The following ADCY7 variants were observed in gnomAD, a reference collection of about 807,000 sequenced individuals.
The protein encoded by ADCY7 is adenylate cyclase type 7.
A neutral mutation model predicts 120.6 loss-of-function variants in ADCY7; 72 were observed. The ratio of observed to expected loss-of-function variants is 0.60; its 90% CI spans 0.49 to 0.73. The LOEUF (loss-of-function observed/expected upper bound fraction) is 0.73. Among genes scored for constraint, ADCY7 ranks in the 30% least tolerant of loss-of-function variants. ADCY7 has a pLI of 0.00. For missense variants in ADCY7, 1,227 were observed against 1,486.0 expected (o/e 0.83, Z 2.87); for synonymous variants, 661 against 628.0 (o/e 1.05, Z -0.78).
In ADCY7 at chr16:50,288,109, C is replaced by T. The variant is rs1283387982; in HGVS notation, c.-71C>T. ...CTAGGCCCACGGGGGAGGGTGTTGG[C>T]AGACAGATGCCCTCCAGGCCCTGGG... On this transcript the variant is annotated 5_prime_UTR_variant, in exon 2 of 26. Transcript: ENST00000673801. 6.8e-7 allele frequency: 1 copy of T among 1,468,552 alleles called. No individual in the cohort carries two copies. Among genetic ancestry groups the T allele is most frequent in the African/African-American group, 1.4e-5 (1 of 70,792 alleles). The allele number at this position is 1,468,552 out of a possible 1,614,324, so 91.0% of individuals were successfully genotyped here.
At chr16:50,277,411 C>G (rs1204546864) in intron 1 of ADCY7, among the ~76,000 whole-genome samples, 1 of 152,216 alleles carries the variant, frequency 6.6e-6, no homozygotes, top group Non-Finnish European at 1.5e-5. Context: ...TGTACTGACT[C>G]ACATTCCTGC....
intron 18 of ADCY7, chr16:50,310,334 G>C: frequency 2.3e-6 from 2 of 859,380 alleles, no homozygotes; most frequent in African/African-American, 1.7e-5. Context: ...GGGAGCCACA[G>C]CACAATCTTG....
chr16:50,267,127 A>G (rs2033265161), intron 1 of ADCY7, among the ~76,000 whole-genome samples: 1 of 152,178 alleles, frequency 6.6e-6, no homozygotes. Flanking sequence ...AAAACAAACA[A>G]AACCTCTGAA....
chr16:50,294,508 G>T lies in ADCY7; in HGVS notation c.837-132G>T, dbSNP rs530627500. 13 of 612,914 alleles carry T rather than the reference G, an allele frequency of 2.1e-5. No individual in the cohort carries two copies. The East Asian group carries it at 3.1e-4, about 15-fold the overall frequency. The allele number at this position is 612,914 out of a possible 1,614,324, so 38.0% of individuals were successfully genotyped here. A position where few individuals can be genotyped will look rare whatever the true frequency, so the allele number is the denominator to read the frequency against. On this transcript the variant is annotated intron_variant, in intron 6 of 25. Coordinates refer to ENST00000673801, the MANE Select transcript of ADCY7 (RefSeq NM_001114.5). ...GCGCGACTCTCCCATCCCTATGGAG[G>T]CTGAGGAAGGACGGGGGTGAATGGG...
At chr16:50,252,154 A>G (rs543652034) in intron 1 of ADCY7, among the ~76,000 whole-genome samples, 3 of 151,818 alleles carry the variant, frequency 2.0e-5, no homozygotes, top group Admixed American at 6.6e-5. Context: ...TTTTGGGTGT[A>G]TGTAGGCAGG....
chr16:50,289,853 C>T (rs2150954450), intron 2 of ADCY7, among the ~76,000 whole-genome samples: 1 of 152,368 alleles, frequency 6.6e-6, no homozygotes, highest in South Asian at 2.1e-4. Context: ...AGTGAAGTGG[C>T]CAGGACCTAG....
At chr16:50,315,288 T>C in intron 25 of ADCY7, 71 bp from the exon 26 acceptor site, 3 of 1,575,054 alleles carry the variant, frequency 1.9e-6, no homozygotes, top group South Asian at 1.2e-5. Flanking sequence ...GCCTGGGCAG[T>C]CTCTATCTGT....
intron 1 of ADCY7, among the ~76,000 whole-genome samples, chr16:50,287,517 C>T (rs2034654107): frequency 6.6e-6 from 1 of 151,666 alleles, no homozygotes; most frequent in African/African-American, 2.4e-5. Flanking sequence ...GGGAGACGCC[C>T]ATCTCTACAA....
chr16:50,314,583 T>G (rs1010863880), intron 24 of ADCY7, 177 bp downstream of exon 24: 1 of 572,836 alleles, frequency 1.7e-6, no homozygotes, highest in Non-Finnish European at 3.1e-6. Context: ...TAGCATATAG[T>G]TACCATTGAG....
chr16:50,313,437 A>ACAAC (rs151204836), intron 22 of ADCY7: 30 of 167,810 alleles, frequency 1.8e-4, no homozygotes, highest in African/African-American at 3.5e-4. Context: ...AACAACAACA[A>ACAAC]AAAAAAAACG....
At chr16:50,314,969 G>A in intron 24 of ADCY7, 45 bp from the exon 25 acceptor site, 1 of 1,610,170 alleles carries the variant, frequency 6.2e-7, no homozygotes, top group South Asian at 1.1e-5. Context: ...GCAGAAGCTT[G>A]AGGCTTTGCC....
At chr16:50,246,776 C>T (rs2032602036) in intron 1 of ADCY7, among the ~76,000 whole-genome samples, 1 of 152,186 alleles carries the variant, frequency 6.6e-6, no homozygotes, top group Non-Finnish European at 1.5e-5. Context: ...AACCCAGATG[C>T]CTTGCACATG....
chr16:50,296,333 A>AT (rs2150993939), intron 7 of ADCY7, among the ~76,000 whole-genome samples: 1 of 150,144 alleles, frequency 6.7e-6, no homozygotes, highest in East Asian at 2.0e-4. Flanking sequence ...GATTACAGGC[A>AT]TGCACCATCA....
chr16:50,280,118 C>T (rs1354993328), intron 1 of ADCY7, among the ~76,000 whole-genome samples: 3 of 152,084 alleles, frequency 2.0e-5, no homozygotes, highest in Non-Finnish European at 4.4e-5. Context: ...AATTTAGGAG[C>T]TCATTATTGA....
intron 15 of ADCY7, among the ~76,000 whole-genome samples, chr16:50,307,950 C>T (rs932411697): frequency 3.0e-5 from 4 of 131,332 alleles, no homozygotes; most frequent in Non-Finnish European, 4.7e-5. Context: ...GAGCCGAGAT[C>T]ATGCCACTGC....
chr16:50,304,233 T>G, intron 10 of ADCY7, 127 bp from the exon 11 acceptor site: 1 of 980,822 alleles, frequency 1.0e-6, no homozygotes, highest in Non-Finnish European at 1.4e-6. Flanking sequence ...GCAACTTCTT[T>G]GCTGTTTATT....
At position 50,296,361 on chromosome 16, in the gene ADCY7, A is replaced by AT. The variant is rs34381393; in HGVS notation, c.948+1626dup. 3.0e-3 allele frequency among the ~76,000 whole-genome samples: 422 copies of AT among 139,508 alleles called. 8 individuals carry two copies. Among genetic ancestry groups the AT allele is most frequent in the African/African-American group, 9.5e-3 (354 of 37,270 alleles). The allele number at this position is 139,508 out of a possible 152,430, so 91.5% of individuals were successfully genotyped here. A position where few individuals can be genotyped will look rare whatever the true frequency, so the allele number is the denominator to read the frequency against. ...CACCATCATGCCCTGCCCCATCAGA[A>AT]TTTTTTTTTTTTTTTTGAGACGGAG... On this transcript the variant is annotated intron_variant, in intron 7 of 25. Coordinates refer to ENST00000673801, the MANE Select transcript of ADCY7 (RefSeq NM_001114.5).
chr16:50,310,760 T>C lies in ADCY7; in HGVS notation c.2234T>C (p.Val745Ala). The C allele has an allele frequency of 3.7e-6, 6 of 1,614,094 alleles. No individual in the cohort carries two copies. Among genetic ancestry groups the C allele is most frequent in the Non-Finnish European group, 5.1e-6 (6 of 1,180,004 alleles). The change falls in exon 19 of 26, where the codon GTT becomes GCT. Residue 745 changes from valine to alanine, a missense_variant. Transcript: ENST00000673801. ...VFLRMSLEPK[V>A]VLLTVALVAY... Reference sequence around the variant, plus strand: ...CTGAGGATGAGCCTGGAGCCAAAGGTTGTGCTGCTGACAGTGGCCCTGGTG... The same window carrying C: ...CTGAGGATGAGCCTGGAGCCAAAGGCTGTGCTGCTGACAGTGGCCCTGGTG...
Position 50,316,138 on chromosome 16 carries a change from T to C in ADCY7, c.*633T>C, listed in dbSNP as rs929879852. ...TACATTAATGGGGTTTTTATCCTTT[T>C]GAATGACTTTTCAGACACTAGACAT... is the stretch of plus-strand genomic sequence containing the variant. On this transcript the variant is annotated 3_prime_UTR_variant, in exon 26 of 26. Coordinates refer to ENST00000673801, the MANE Select transcript of ADCY7 (RefSeq NM_001114.5). 1 of 152,666 alleles carries C rather than the reference T, an allele frequency of 6.6e-6. No homozygotes were observed. The highest frequency in any genetic ancestry group is 2.4e-5 in the African/African-American group (1 of 41,470). The allele number at this position is 152,666 out of a possible 1,614,324, so 9.5% of individuals were successfully genotyped here.
Sources: gnomAD v4.1 joint callset for allele counts (sites outside exome capture counted in the v4.1 genomes callset) on GRCh38, gnomAD v4.1.1 for gene constraint, MANE v1.5 for transcripts, NCBI Gene and HGNC (gene_info 2026-07-23, HGNC 2026-07-21) for gene names.